The following ZFPM2 variants were observed in gnomAD, a reference collection of about 807,000 sequenced individuals.
The protein encoded by ZFPM2 is zinc finger protein, FOG family member 2, also known as zinc finger protein ZFPM2.
In ZFPM2, 20 loss-of-function variants were observed where a neutral mutation model predicts 98.6. The ratio of observed to expected loss-of-function variants is 0.20; its 90% confidence interval spans 0.14 to 0.29. The LOEUF (loss-of-function observed/expected upper bound fraction) is 0.29, where lower values mean the gene tolerates loss of function less well. Ranked by LOEUF, ZFPM2 falls within the 10% of genes least tolerant of loss-of-function variation. The pLI, the probability that ZFPM2 is intolerant of heterozygous loss-of-function variation, is 1.00. For synonymous variants in ZFPM2, 518 were observed against 502.7 expected, an observed-to-expected ratio of 1.03 and a Z score of -0.41; for missense variants, 1,310 against 1,388.6, an observed-to-expected ratio of 0.94 and a Z score of 0.90.
At chr8:105,572,124 A>T (rs1427941557) in intron 4 of ZFPM2, among the ~76,000 whole-genome samples, 4 of 130,092 alleles carry the variant, frequency 3.1e-5, no homozygotes, top group Non-Finnish European at 6.2e-5. Context: ...TGCAAGCTCC[A>T]CCTCCCGGGT....
At chr8:105,361,567 A>C (rs1812862106) in intron 1 of ZFPM2, among the ~76,000 whole-genome samples, 1 of 152,110 alleles carries the variant, frequency 6.6e-6, no homozygotes, top group Non-Finnish European at 1.5e-5. Flanking sequence ...TTTGTTACAT[A>C]TATGTGCTAG....
chr8:105,318,872 GGGA>G lies in ZFPM2; in HGVS notation c.-68_-66del. 1 of 1,006,622 alleles carries G rather than the reference GGGA, an allele frequency of 9.9e-7. No homozygotes were observed. The highest frequency in any genetic ancestry group is 1.2e-6 in the Non-Finnish European group (1 of 818,840). 62.4% of individuals were successfully genotyped at this position (1,006,622 alleles called of 1,614,324 possible). A position where few individuals can be genotyped will look rare whatever the true frequency, so the allele number is the denominator to read the frequency against. On this transcript the variant is annotated 5_prime_UTR_variant, in exon 1 of 8. Coordinates refer to ENST00000407775, the MANE Select transcript of ZFPM2 (RefSeq NM_012082.4). The stretch of plus-strand genomic sequence containing the variant: ...CGGCGGCGGCGGCGGCGGCGGCGGC[GGGA>G]GCCGAGGGAGCGGCAGCCGCGACCG...
intron 3 of ZFPM2, among the ~76,000 whole-genome samples, chr8:105,535,058 T>C (rs369295426): frequency 3.3e-5 from 5 of 152,270 alleles, no homozygotes; most frequent in African/African-American, 1.2e-4. Flanking sequence ...AATGTTCAAA[T>C]AAGGTCCTGA....
intron 3 of ZFPM2, among the ~76,000 whole-genome samples, chr8:105,491,957 C>G (rs1485611383): frequency 6.6e-6 from 1 of 152,102 alleles, no homozygotes; most frequent in Non-Finnish European, 1.5e-5. Context: ...AAATACAACA[C>G]AAGTCATTAC....
Position 105,731,852 on chromosome 8 carries a change from A to G in ZFPM2, c.533-56866A>G, listed in dbSNP as rs76085409. On this transcript the variant is annotated intron_variant, in intron 5 of 7. Transcript: ENST00000407775. ...TGATGTCATATGAATAAGTGTTGCA[A>G]CTAATAAGAACTATTTAAGCTAAGA... 9.9e-3 allele frequency among the ~76,000 whole-genome samples: 1,504 copies of G among 151,924 alleles called. 32 individuals are homozygous for G. The highest frequency in any genetic ancestry group is 0.034 in the African/African-American group (1,409 of 41,514).
At chr8:105,488,957 A>G (rs568114641) in intron 3 of ZFPM2, among the ~76,000 whole-genome samples, 252 of 152,262 alleles carry the variant, frequency 1.7e-3, no homozygotes, top group African/African-American at 5.6e-3. Flanking sequence ...TTTCCATTGG[A>G]AAACTCATTT....
At chr8:105,720,884 C>G (rs1279425327) in intron 5 of ZFPM2, among the ~76,000 whole-genome samples, 2 of 151,888 alleles carry the variant, frequency 1.3e-5, no homozygotes, top group African/African-American at 4.8e-5. Context: ...TAGAACAGTC[C>G]CATTGTTTTG....
In ZFPM2 at chr8:105,671,507, ATTTTC is replaced by A. The variant is rs199726510; in HGVS notation, c.532+37154_532+37158del. ...ATCAGAGGAAAAAAAAGAATTTTTAATTTTCTTTACTGAAATTTTAATTTTTGATT... is the reference window on the plus strand; with the variant it reads ...ATCAGAGGAAAAAAAAGAATTTTTAATTTACTGAAATTTTAATTTTTGATT... On this transcript the variant is annotated intron_variant, in intron 5 of 7. Coordinates refer to ENST00000407775, the MANE Select transcript of ZFPM2 (RefSeq NM_012082.4). 3.5e-3 allele frequency among the ~76,000 whole-genome samples: 539 copies of A among 151,972 alleles called. 1 individual carries two copies. Among genetic ancestry groups the A allele is most frequent in the African/African-American group, 9.1e-3 (376 of 41,496 alleles).
chr8:105,639,564 C>T lies in ZFPM2; in HGVS notation c.532+5207C>T, dbSNP rs146796571. On this transcript the variant is annotated intron_variant, in intron 5 of 7. Transcript: ENST00000407775. ...TTCATGTGTAACCTTAGACAAATCA[C>T]TTGCCCACTCTAATCTTGATTTTCT... 5.9e-3 allele frequency among the ~76,000 whole-genome samples: 901 copies of T among 152,162 alleles called. 2 individuals carry two copies. The highest frequency in any genetic ancestry group is 0.01 in the Middle Eastern group (3 of 294).
rs201996335 is a variant in ZFPM2 at position 105,397,619 on chromosome 8, T to TAC, written c.41-21523_41-21522dup. Among the ~76,000 whole-genome samples the TAC allele has an allele frequency of 5.4e-3, 826 of 152,280 alleles. 3 individuals are homozygous for TAC. Among genetic ancestry groups the TAC allele is most frequent in the African/African-American group, 0.019 (792 of 41,552 alleles). On this transcript the variant is annotated intron_variant, in intron 1 of 7. Transcript: ENST00000407775. ...ACTGAGGAGTTTTTGCTCTTAGAGGTACATTAAATAGCCAACTTTCTGTCC... is the reference window on the plus strand; with the variant it reads ...ACTGAGGAGTTTTTGCTCTTAGAGGTACACATTAAATAGCCAACTTTCTGTCC...
At chr8:105,558,295 A>C (rs1815045619) in intron 3 of ZFPM2, among the ~76,000 whole-genome samples, 1 of 152,206 alleles carries the variant, frequency 6.6e-6, no homozygotes, top group Admixed American at 6.5e-5. Context: ...TATTGTGAAT[A>C]AATGAATATT....
chr8:105,324,910 T>A (rs1437826980), intron 1 of ZFPM2, among the ~76,000 whole-genome samples: 2 of 151,874 alleles, frequency 1.3e-5, no homozygotes, highest in Non-Finnish European at 2.9e-5. Context: ...TAGATTTGTA[T>A]GGGAATAAGA....
chr8:105,545,419 C>G (rs891493753), intron 3 of ZFPM2, among the ~76,000 whole-genome samples: 45 of 152,108 alleles, frequency 3.0e-4, no homozygotes, highest in Non-Finnish European at 5.9e-4. Context: ...CAACTCTTCT[C>G]TCCCACATTG....
At chr8:105,792,045 C>T (rs1170822415) in intron 6 of ZFPM2, among the ~76,000 whole-genome samples, 1 of 152,078 alleles carries the variant, frequency 6.6e-6, no homozygotes, top group Non-Finnish European at 1.5e-5. Flanking sequence ...AAACCAGTTC[C>T]TGGATTCATT....
At position 105,319,088 on chromosome 8, in the gene ZFPM2, C is replaced by T; in HGVS notation, c.40+107C>T. ...TGGCGGGGCTAGGGGAGATCCGCTC[C>T]CGGTCCCCTAGATGTCTCAAACTTT... is the stretch of plus-strand genomic sequence containing the variant. On this transcript the variant is annotated intron_variant, in intron 1 of 7. Coordinates refer to ENST00000407775, the MANE Select transcript of ZFPM2 (RefSeq NM_012082.4). 6 of 1,308,404 alleles carry T rather than the reference C, an allele frequency of 4.6e-6. No individual in the cohort carries two copies. In the South Asian group the frequency reaches 8.3e-5, roughly 18 times the overall value. 81.0% of individuals were successfully genotyped at this position (1,308,404 alleles called of 1,614,324 possible).
chr8:105,516,513 A>G (rs1446501294), intron 3 of ZFPM2, among the ~76,000 whole-genome samples: 1 of 152,188 alleles, frequency 6.6e-6, no homozygotes, highest in African/African-American at 2.4e-5. Context: ...TTTTTAAAAT[A>G]TTTCTATTTT....
intron 3 of ZFPM2, among the ~76,000 whole-genome samples, chr8:105,496,356 TAA>T (rs1215832580): frequency 6.6e-6 from 1 of 152,056 alleles, no homozygotes; most frequent in Admixed American, 6.6e-5. Context: ...CCCCAATCTA[TAA>T]CAGTTCCTCA....
At chr8:105,559,675 A>G (rs1358489384) in intron 3 of ZFPM2, among the ~76,000 whole-genome samples, 1 of 152,194 alleles carries the variant, frequency 6.6e-6, no homozygotes, top group African/African-American at 2.4e-5. Flanking sequence ...TTTCAGGATA[A>G]GCAATAATGA....
chr8:105,612,558 T>G (rs1248368875), intron 4 of ZFPM2, among the ~76,000 whole-genome samples: 2 of 152,226 alleles, frequency 1.3e-5, no homozygotes, highest in Non-Finnish European at 2.9e-5. Flanking sequence ...AATTTTTTCC[T>G]GGTTTGGTTA....
Sources: gnomAD v4.1 joint callset for allele counts (sites outside exome capture counted in the v4.1 genomes callset) on GRCh38, gnomAD v4.1.1 for gene constraint, MANE v1.5 for transcripts, NCBI Gene and HGNC (gene_info 2026-07-23, HGNC 2026-07-21) for gene names.